Variants in GALNT9 observed in about 807,000 individuals in gnomAD.
GALNT9 encodes GalNAc transferase 9.
Under a neutral mutation model 63.1 loss-of-function variants are expected in GALNT9, and 47 were observed. The ratio of observed to expected loss-of-function variants is 0.75; its 90% CI spans 0.59 to 0.95. The LOEUF (loss-of-function observed/expected upper bound fraction) is 0.95. Among genes scored for constraint, GALNT9 ranks in the 40% least tolerant of loss-of-function variants. The pLI is 0.00. For synonymous variants in GALNT9, 396 were observed against 365.7 expected (o/e 1.08, Z -0.94); for missense variants, 829 against 874.8 (o/e 0.95, Z 0.66).
At chr12:132,293,808 C>T (rs190019687) in intron 1 of GALNT9, among the ~76,000 whole-genome samples, 2 of 132,342 alleles carry the variant, frequency 1.5e-5, no homozygotes, top group African/African-American at 5.0e-5. Context: ...GTCCCGTATA[C>T]AGTCAGGGCC....
intron 5 of GALNT9, among the ~76,000 whole-genome samples, chr12:132,249,099 C>G (rs1878818433): frequency 6.6e-6 from 1 of 152,246 alleles, no homozygotes; most frequent in Admixed American, 6.5e-5. Flanking sequence ...ACATCTCCAG[C>G]AAGGAGCAGG....
At chr12:132,199,318 G>T in intron 8 of GALNT9, 49 bp from the exon 9 acceptor site, 1 of 1,301,322 alleles carries the variant, frequency 7.7e-7, no homozygotes, top group Non-Finnish European at 1.1e-6. Context: ...CGAGGGTGCG[G>T]CCCCAGGGAG....
intron 6 of GALNT9, among the ~76,000 whole-genome samples, chr12:132,228,396 CG>C (rs1821272241): frequency 1.5e-4 from 20 of 133,406 alleles, no homozygotes; most frequent in African/African-American, 5.4e-4. Flanking sequence ...TTGCCTCTGG[CG>C]AGGCAGGGCG....
rs998997417 is a variant in GALNT9, at chr12:132,296,836, G to A, written c.239-10406C>T. On this transcript the variant is annotated intron_variant, in intron 1 of 10. Transcript: ENST00000328957. This position sits in a 1 kb window ranked among gnomAD's most constrained non-coding sequence, Gnocchi z 4.2. ...ACGGCGAGAGCACACACGCATTGGG[G>A]GCTGGGCGGGGGGAGGGTGGAACTC... Among the ~76,000 whole-genome samples the A allele has an allele frequency of 1.3e-5, 2 of 151,944 alleles. No homozygotes were observed. The highest frequency in any genetic ancestry group is 2.9e-5 in the Non-Finnish European group (2 of 67,996).
At chr12:132,263,930 G>A (rs1248792355) in intron 2 of GALNT9, among the ~76,000 whole-genome samples, 2 of 152,274 alleles carry the variant, frequency 1.3e-5, no homozygotes, top group East Asian at 3.9e-4. Context: ...GCCTGGCTGC[G>A]GGGCCACATG....
At chr12:132,230,988 G>C (rs1877870846) in intron 6 of GALNT9, among the ~76,000 whole-genome samples, 1 of 151,942 alleles carries the variant, frequency 6.6e-6, no homozygotes, top group Non-Finnish European at 1.5e-5. Context: ...ACTCGATGGA[G>C]TGACAGAGGA....
At position 132,327,363 on chromosome 12, in the gene GALNT9, T is replaced by C. The variant is rs1297314334; in HGVS notation, c.238+1603A>G. Among the ~76,000 whole-genome samples the C allele has an allele frequency of 2.6e-5, 4 of 151,816 alleles. No individual in the cohort carries two copies. The highest frequency in any genetic ancestry group is 6.6e-5 in the Admixed American group (1 of 15,250). On this transcript the variant is annotated intron_variant, in intron 1 of 10. Transcript: ENST00000328957. The surrounding 1 kb of genome is among the most constrained non-coding windows in gnomAD (Gnocchi z 4.3). ...CAATGTCAGCAAAGCGGATCATGGG[T>C]CCTGGCTTTTTCCACCACCAAGAAT...
At chr12:132,322,512 G>A (rs1283244635) in intron 1 of GALNT9, among the ~76,000 whole-genome samples, 2 of 152,254 alleles carry the variant, frequency 1.3e-5, no homozygotes, top group African/African-American at 4.8e-5. Context: ...CCCCGTCCGT[G>A]ACTCAGTTGC....
In GALNT9 at chr12:132,286,532, C is replaced by G; in HGVS notation, c.239-102G>C. On this transcript the variant is annotated intron_variant, in intron 1 of 10. Transcript: ENST00000328957. The surrounding 1 kb of genome is among the most constrained non-coding windows in gnomAD (Gnocchi z 7.4). ...CCCTCTCCCCGACGGCCGCTTCCCC[C>G]GGTACAAGCCCAGCAAACTCCCTGC... is the stretch of plus-strand genomic sequence containing the variant. 4 of 1,437,854 alleles carry G rather than the reference C, an allele frequency of 2.8e-6. No homozygotes were observed. Among genetic ancestry groups the G allele is most frequent in the East Asian group, 2.5e-5 (1 of 39,956 alleles). The allele number at this position is 1,437,854 out of a possible 1,614,324, so 89.1% of individuals were successfully genotyped here.
chr12:132,230,956 G>A (rs1877868531), intron 6 of GALNT9, among the ~76,000 whole-genome samples: 1 of 152,250 alleles, frequency 6.6e-6, no homozygotes, highest in Non-Finnish European at 1.5e-5. Context: ...AGTAGTGACA[G>A]AGACTCACCC....
chr12:132,226,926 A>C (rs1197285390), intron 6 of GALNT9, among the ~76,000 whole-genome samples: 2 of 143,754 alleles, frequency 1.4e-5, no homozygotes, highest in Admixed American at 6.9e-5. Flanking sequence ...TACATACCCC[A>C]CACACTGTAC....
intron 4 of GALNT9, among the ~76,000 whole-genome samples, chr12:132,260,509 A>G (rs1879335516): frequency 6.6e-6 from 1 of 152,194 alleles, no homozygotes; most frequent in Non-Finnish European, 1.5e-5. Context: ...GGCCATCTCC[A>G]GTGACTGAGC....
At chr12:132,287,118 G>A (rs77211511) in intron 1 of GALNT9, among the ~76,000 whole-genome samples, 7,157 of 133,826 alleles carry the variant, frequency 0.053, 277 homozygotes, top group South Asian at 0.15. Context: ...GGGCAGCATC[G>A]GCTCATCGAC....
At chr12:132,328,793 G>A (rs1044890726) in intron 1 of GALNT9, among the ~76,000 whole-genome samples, 173 bp downstream of exon 1, 1 of 152,244 alleles carries the variant, frequency 6.6e-6, no homozygotes, top group African/African-American at 2.4e-5. Flanking sequence ...AACCCAGGTT[G>A]CTGCCCGCTG....
chr12:132,206,451 C>CA (rs56331705), intron 6 of GALNT9, among the ~76,000 whole-genome samples: 120,819 of 152,034 alleles, frequency 0.79, 48,128 homozygotes, highest in Non-Finnish European at 0.81. Context: ...AGTTCGAGAC[C>CA]GCCTGGCCAA....
rs1868698951 is a variant in GALNT9, at chr12:132,319,850, A to G, written c.238+9116T>C. Among the ~76,000 whole-genome samples the G allele has an allele frequency of 2.0e-5, 3 of 152,210 alleles. No individual in the cohort carries two copies. The highest frequency in any genetic ancestry group is 2.0e-4 in the Admixed American group (3 of 15,290). ...TCTAGGGAGAAGCCGGATTTCCTGT[A>G]GAACCTGTGTCTTCTCCACCCTCAG... is the stretch of plus-strand genomic sequence containing the variant. On this transcript the variant is annotated intron_variant, in intron 1 of 10. Coordinates refer to ENST00000328957, the MANE Select transcript of GALNT9 (RefSeq NM_001122636.2). The surrounding 1 kb of genome is among the most constrained non-coding windows in gnomAD (Gnocchi z 5.2).
chr12:132,199,042 C>A, intron 9 of GALNT9, 132 bp downstream of exon 9: 1 of 612,318 alleles, frequency 1.6e-6, no homozygotes, highest in Non-Finnish European at 2.9e-6. Flanking sequence ...TGCTCCAAGC[C>A]CTGGAATGCA....
rs190018408 is a variant in GALNT9 at position 132,268,182 on chromosome 12, T to A, written c.420-5557A>T. Among the ~76,000 whole-genome samples the A allele has an allele frequency of 6.2e-3, 924 of 149,096 alleles. 7 individuals are homozygous for A. Among genetic ancestry groups the A allele is most frequent in the South Asian group, 0.025 (117 of 4,652 alleles). ...ACAAGCACACTCTCAAACCCATACA[T>A]GTACTCACACACATGCACTCACACC... On this transcript the variant is annotated intron_variant, in intron 2 of 10. Coordinates refer to ENST00000328957, the MANE Select transcript of GALNT9 (RefSeq NM_001122636.2).
rs562708705 is a variant in GALNT9, at chr12:132,207,000, G to A, written c.1078-3310C>T. The stretch of plus-strand genomic sequence containing the variant: ...GGATCACCTGAGCCCGGGAGGTTGA[G>A]GCTGCAGTGAGCCAAGATCACGTAA... On this transcript the variant is annotated intron_variant, in intron 6 of 10. Coordinates refer to ENST00000328957, the MANE Select transcript of GALNT9 (RefSeq NM_001122636.2). Among the ~76,000 whole-genome samples, 65 of 152,330 alleles carry A rather than the reference G, an allele frequency of 4.3e-4. 1 individual carries two copies. Among genetic ancestry groups the A allele is most frequent in the Non-Finnish European group, 5.9e-4 (40 of 68,034 alleles).
Sources: allele counts gnomAD v4.1 joint callset (sites outside exome capture counted in the v4.1 genomes callset), GRCh38; gene constraint gnomAD v4.1.1; non-coding constraint Gnocchi (gnomAD v3.1); transcripts MANE v1.5; gene names NCBI Gene and HGNC (gene_info 2026-07-23, HGNC 2026-07-21).